The following CADM2 variants were observed in gnomAD, a reference collection of about 807,000 sequenced individuals.
CADM2 encodes cell adhesion molecule 2, also known as immunoglobulin superfamily member 4D.
In CADM2, 12 loss-of-function variants were observed where a neutral mutation model predicts 49.8. The observed-to-expected ratio is 0.24, with a 90% confidence interval of 0.15 to 0.39. CADM2 has a LOEUF of 0.39. CADM2 is among the 10% of genes least tolerant of loss of function. The probability of loss-of-function intolerance (pLI) is 1.00; values close to 1 mark genes in which losing one functional copy is unlikely to be tolerated. For missense variants in CADM2, 378 were observed against 492.3 expected (o/e 0.77, Z 2.20); for synonymous variants, 214 against 175.4 (o/e 1.22, Z -1.74).
intron 1 of CADM2, among the ~76,000 whole-genome samples, chr3:85,344,930 T>C (rs1401060888): frequency 6.6e-6 from 1 of 152,128 alleles, no homozygotes; most frequent in African/African-American, 2.4e-5. Context: ...TCTTTTTAAG[T>C]TCACCTCTTC....
At chr3:85,495,372 AC>A (rs2039844702) in intron 1 of CADM2, among the ~76,000 whole-genome samples, 1 of 152,140 alleles carries the variant, frequency 6.6e-6, no homozygotes, top group Non-Finnish European at 1.5e-5. Context: ...CCTTAGAAAG[AC>A]TTCTAAAACT....
chr3:85,033,166 G>A (rs1012337365), intron 1 of CADM2, among the ~76,000 whole-genome samples: 4 of 152,106 alleles, frequency 2.6e-5, no homozygotes, highest in East Asian at 1.9e-4. Context: ...ATAAAGTCAC[G>A]TTGTTTTTAC....
At chr3:86,001,283 T>C (rs1055245769) in intron 8 of CADM2, among the ~76,000 whole-genome samples, 5 of 152,068 alleles carry the variant, frequency 3.3e-5, no homozygotes, top group African/African-American at 1.2e-4. Context: ...AGTGAAGAGT[T>C]GGATATACAG....
chr3:85,398,779 T>A (rs1655758571), intron 1 of CADM2, among the ~76,000 whole-genome samples: 1 of 152,236 alleles, frequency 6.6e-6, no homozygotes, highest in South Asian at 2.1e-4. Context: ...TTTTTTAATG[T>A]GTCTGTTGGC....
At chr3:85,592,847 C>G (rs1263720819) in intron 1 of CADM2, among the ~76,000 whole-genome samples, 1 of 151,820 alleles carries the variant, frequency 6.6e-6, no homozygotes, top group Non-Finnish European at 1.5e-5. Flanking sequence ...AATGCTATCC[C>G]TCCTCTAGCC....
chr3:85,127,965 A>G (rs769559396), intron 1 of CADM2, among the ~76,000 whole-genome samples: 23 of 152,200 alleles, frequency 1.5e-4, no homozygotes, highest in Non-Finnish European at 2.8e-4. Flanking sequence ...ATAAAATTAA[A>G]TGGAATTCAA....
chr3:85,864,322 T>A (rs1451509033), intron 3 of CADM2, among the ~76,000 whole-genome samples: 5 of 152,236 alleles, frequency 3.3e-5, no homozygotes, highest in Admixed American at 6.5e-5. Context: ...GAATTACTTT[T>A]TATTTACATC....
intron 1 of CADM2, among the ~76,000 whole-genome samples, chr3:85,701,971 CATAGATAGATAGATAGATAG>C (rs57418964): frequency 1.6e-4 from 22 of 134,320 alleles, no homozygotes; most frequent in Middle Eastern, 7.3e-3. Flanking sequence ...GATAGATAGA[CATAGATAGATAGATAGATAG>C]ATAGATAGAT....
rs1329090422 is a variant in CADM2, at chr3:85,381,377, G to T, written c.62-345145G>T. ...TTCTGATCCCTTGAGAGTTGATACT[G>T]ATGGTAGAAGGATGAAGCCAATAAA... On this transcript the variant is annotated intron_variant, in intron 1 of 9. Transcript: ENST00000383699. Among the ~76,000 whole-genome samples, 3 of 150,016 alleles carry T rather than the reference G, an allele frequency of 2.0e-5. No homozygotes were observed. The East Asian group carries it at 5.8e-4, about 29-fold the overall frequency.
At chr3:85,368,642 C>T (rs1429377248) in intron 1 of CADM2, among the ~76,000 whole-genome samples, 1 of 151,706 alleles carries the variant, frequency 6.6e-6, no homozygotes, top group Non-Finnish European at 1.5e-5. Flanking sequence ...TATTTTAAAA[C>T]ACAAATATCT....
intron 1 of CADM2, among the ~76,000 whole-genome samples, chr3:85,012,331 TC>T (rs2034039155): frequency 2.0e-5 from 3 of 150,634 alleles, no homozygotes; most frequent in Non-Finnish European, 2.9e-5. Flanking sequence ...TTTTTTTTTT[TC>T]CTTAGCACTT....
At chr3:85,554,721 ATT>A (rs1470311254) in intron 1 of CADM2, among the ~76,000 whole-genome samples, 1 of 151,870 alleles carries the variant, frequency 6.6e-6, no homozygotes, top group Non-Finnish European at 1.5e-5. Flanking sequence ...TTTGTGACAA[ATT>A]CTTGCTGTGT....
At chr3:85,229,365 C>A (rs559654035) in intron 1 of CADM2, among the ~76,000 whole-genome samples, 3 of 152,286 alleles carry the variant, frequency 2.0e-5, no homozygotes, top group Admixed American at 6.5e-5. Flanking sequence ...TCTCTCACGG[C>A]TTCCCTTGGC....
At chr3:85,344,891 A>T (rs1055512033) in intron 1 of CADM2, among the ~76,000 whole-genome samples, 1 of 152,160 alleles carries the variant, frequency 6.6e-6, no homozygotes, top group African/African-American at 2.4e-5. Flanking sequence ...ATAACCTAAG[A>T]ACCTGGTAGG....
chr3:85,446,606 T>TG (rs1199243161), intron 1 of CADM2, among the ~76,000 whole-genome samples: 1 of 147,102 alleles, frequency 6.8e-6, no homozygotes, highest in Non-Finnish European at 1.5e-5. Flanking sequence ...TGTTTTTTGT[T>TG]TTTTTTTTTT....
intron 1 of CADM2, among the ~76,000 whole-genome samples, chr3:85,485,117 A>G (rs921091339): frequency 6.6e-6 from 1 of 151,966 alleles, no homozygotes; most frequent in South Asian, 2.1e-4. Context: ...AAATAATAAA[A>G]CATGCTTCAA....
chr3:85,950,124 G>T, intron 7 of CADM2, among the ~76,000 whole-genome samples: 1 of 151,184 alleles, frequency 6.6e-6, no homozygotes, highest in Admixed American at 6.6e-5. Context: ...AAACTTTTCT[G>T]AAGAATGGTT....
rs1432212648 is a variant in CADM2, at chr3:85,390,361, ATTGT to A, written c.62-336157_62-336154del. On this transcript the variant is annotated intron_variant, in intron 1 of 9. Coordinates refer to ENST00000383699, the MANE Select transcript of CADM2 (RefSeq NM_001167675.2). ...TGCACTTCAATCGTGGTTCTTCCTG[ATTGT>A]TTGCTTACTTTTTTCCAAGGTATTG... 1.4e-4 allele frequency among the ~76,000 whole-genome samples: 22 copies of A among 152,080 alleles called. No individual in the cohort carries two copies. In the East Asian group the frequency reaches 2.3e-3, roughly 16 times the overall value.
At chr3:85,318,306 A>G (rs1321084400) in intron 1 of CADM2, among the ~76,000 whole-genome samples, 1 of 152,164 alleles carries the variant, frequency 6.6e-6, no homozygotes, top group African/African-American at 2.4e-5. Flanking sequence ...ACCTAGACCT[A>G]GCAGGAGATC....
Sources: allele counts gnomAD v4.1 joint callset (sites outside exome capture counted in the v4.1 genomes callset), GRCh38; gene constraint gnomAD v4.1.1; transcripts MANE v1.5; gene names NCBI Gene and HGNC (gene_info 2026-07-23, HGNC 2026-07-21).